KDM1A: variants seen among roughly 807,000 people sequenced by gnomAD.
The protein encoded by KDM1A is lysine demethylase 1A.
KDM1A carries 49 observed loss-of-function variants against 109.4 expected under a neutral mutation model. That is an observed-to-expected ratio of 0.45 (90% CI 0.36 to 0.57). KDM1A has a LOEUF of 0.57. Among genes scored for constraint, KDM1A ranks in the 20% least tolerant of loss-of-function variants. The pLI is 0.00. For synonymous variants in KDM1A, 380 were observed against 415.4 expected (o/e 0.91, Z 1.04); for missense variants, 668 against 1,116.6 (o/e 0.60, Z 5.73).
chr1:23,048,618 A>G (rs190195260), intron 3 of KDM1A, among the ~76,000 whole-genome samples: 12 of 152,140 alleles, frequency 7.9e-5, no homozygotes, highest in African/African-American at 1.2e-4. Flanking sequence ...TGTGTGGCCC[A>G]TGATTGGCAT....
In KDM1A at chr1:23,083,501, TTGACAAAGGAGCTTGCCTC is replaced by T; in HGVS notation, c.*138_*156del. On this transcript the variant is annotated 3_prime_UTR_variant, in exon 21 of 21. Transcript: ENST00000400181. Reference sequence around the variant, plus strand: ...CTGATCAGCTGATGGAGCTCCTGATTTGACAAAGGAGCTTGCCTCCTTTGAATGACCTAGAGCACAGGGA... The same window carrying T: ...CTGATCAGCTGATGGAGCTCCTGATTCTTTGAATGACCTAGAGCACAGGGA... 1.2e-6 allele frequency: 1 copy of T among 800,360 alleles called. No homozygotes were observed. Among genetic ancestry groups the T allele is most frequent in the South Asian group, 2.2e-5 (1 of 45,552 alleles). 49.6% of individuals were successfully genotyped at this position (800,360 alleles called of 1,614,324 possible).
At chr1:23,064,656 G>A (rs559985704) in intron 9 of KDM1A, among the ~76,000 whole-genome samples, 2 of 152,308 alleles carry the variant, frequency 1.3e-5, no homozygotes, top group African/African-American at 4.8e-5. Flanking sequence ...GTCCTCCTTC[G>A]AGATTACTTC....
At chr1:23,066,016 T>C (rs779116991) in intron 9 of KDM1A, 44 bp from the exon 10 acceptor site, 4 of 1,603,692 alleles carry the variant, frequency 2.5e-6, no homozygotes, top group Non-Finnish European at 8.5e-7. Flanking sequence ...GCTGTTGGGC[T>C]GTTATTTACA....
intron 1 of KDM1A, among the ~76,000 whole-genome samples, chr1:23,025,223 C>G (rs1202193122): frequency 6.6e-6 from 1 of 152,024 alleles, no homozygotes; most frequent in Non-Finnish European, 1.5e-5. Flanking sequence ...ATTGGAAGCA[C>G]AGATAGAGAA....
chr1:23,034,536 C>T (rs1350265544), intron 2 of KDM1A, among the ~76,000 whole-genome samples: 2 of 152,210 alleles, frequency 1.3e-5, no homozygotes, highest in African/African-American at 2.4e-5. Context: ...GTGTACCTTA[C>T]ATTATTTTCC....
intron 2 of KDM1A, 82 bp downstream of exon 2, chr1:23,030,716 T>G: frequency 1.5e-6 from 2 of 1,368,696 alleles, no homozygotes; most frequent in East Asian, 2.3e-5. Context: ...GCAATATTAT[T>G]TATGTCTTTA....
At chr1:23,022,053 T>C (rs1421422028) in intron 1 of KDM1A, among the ~76,000 whole-genome samples, 1 of 152,230 alleles carries the variant, frequency 6.6e-6, no homozygotes, top group African/African-American at 2.4e-5. Context: ...ATACCAAATT[T>C]GGTTTACCCA....
In KDM1A at chr1:23,072,207, A is replaced by G; in HGVS notation, c.1622+10A>G. ...AAGCGAATCCCCCAAGGTAAGGAAA[A>G]CAAACACAAAAGTTCAGAGGGAGAG... On this transcript the variant is annotated intron_variant, in intron 14 of 20. Coordinates refer to ENST00000400181, the MANE Select transcript of KDM1A (RefSeq NM_001009999.3). The G allele has an allele frequency of 6.2e-7, 1 of 1,600,632 alleles. No homozygotes were observed. Among genetic ancestry groups the G allele is most frequent in the Non-Finnish European group, 8.5e-7 (1 of 1,169,964 alleles).
Position 23,055,091 on chromosome 1 carries a change from A to T in KDM1A, c.813A>T (p.Arg271=), listed in dbSNP as rs952663381. The T allele has an allele frequency of 1.9e-6, 3 of 1,611,270 alleles. No individual in the cohort carries two copies. The highest frequency in any genetic ancestry group is 2.5e-6 in the Non-Finnish European group (3 of 1,178,700). ...PYNSDTVLVH[R]VHSYLERHGL... is the part of the protein sequence containing the mutation. Reference sequence around the variant, plus strand: ...TAGGTGATACTGTGCTTGTCCACCGAGTTCACAGTTATTTAGAGCGTCATG... The same window carrying T: ...TAGGTGATACTGTGCTTGTCCACCGTGTTCACAGTTATTTAGAGCGTCATG... The change falls in exon 6 of 21, where the codon CGA becomes CGT. Residue 271 remains arginine (R), a synonymous_variant. Coordinates refer to ENST00000400181, the MANE Select transcript of KDM1A (RefSeq NM_001009999.3).
chr1:23,031,736 A>G lies in KDM1A; in HGVS notation c.517+1102A>G, dbSNP rs558312246. ...AAAAATCAAATTTATAATTTATAGG[A>G]TTGTAATAAAGTGTACTAAAGGAAT... On this transcript the variant is annotated intron_variant, in intron 2 of 20. Coordinates refer to ENST00000400181, the MANE Select transcript of KDM1A (RefSeq NM_001009999.3). Among the ~76,000 whole-genome samples the G allele has an allele frequency of 5.5e-4, 84 of 152,332 alleles. 1 individual carries two copies. The highest frequency in any genetic ancestry group is 1.9e-3 in the African/African-American group (80 of 41,568).
chr1:23,019,651 A>T lies in KDM1A; in HGVS notation c.55A>T (p.Thr19Ser). 7.1e-7 allele frequency: 1 copy of T among 1,408,982 alleles called. No homozygotes were observed. The highest frequency in any genetic ancestry group is 9.2e-7 in the Non-Finnish European group (1 of 1,088,536). 87.3% of individuals were successfully genotyped at this position (1,408,982 alleles called of 1,614,324 possible). ...AAAAAAAAAA[T>S]GTEAGPGTAG... The stretch of plus-strand genomic sequence containing the variant: ...GGCGGCGGCGGCTGCAGCGGCAGCA[A>T]CCGGGACGGAGGCTGGCCCTGGGAC... The change falls in exon 1 of 21, where the codon ACC (threonine) becomes TCC (serine). Residue 19 changes from threonine to serine, a missense_variant. Physicochemically the swap from Thr to Ser is moderately conservative, Grantham distance 58. Around this residue, in one of 8 missense-constraint regions of KDM1A, gnomAD observed 156 missense variants for 163.4 expected, o/e 0.95. Transcript: ENST00000400181.
chr1:23,076,096 G>A (rs1293594063), intron 15 of KDM1A, among the ~76,000 whole-genome samples: 2 of 152,240 alleles, frequency 1.3e-5, no homozygotes, highest in Non-Finnish European at 2.9e-5. Flanking sequence ...GGCCCTTCTA[G>A]TCATTGATTT....
intron 14 of KDM1A, among the ~76,000 whole-genome samples, chr1:23,072,497 C>G (rs961183877): frequency 6.6e-6 from 1 of 152,160 alleles, no homozygotes; most frequent in Non-Finnish European, 1.5e-5. Context: ...GTAGAAGTTG[C>G]TGTTGCTTTA....
intron 2 of KDM1A, among the ~76,000 whole-genome samples, chr1:23,041,831 C>A (rs1642344963): frequency 6.6e-6 from 1 of 151,188 alleles, no homozygotes; most frequent in Admixed American, 6.6e-5. Flanking sequence ...CATTTTCCTG[C>A]ATTTTTTTAA....
chr1:23,042,476 G>A (rs1392658486), intron 2 of KDM1A, among the ~76,000 whole-genome samples: 6 of 51,260 alleles, frequency 1.2e-4, no homozygotes, highest in South Asian at 5.5e-4. Flanking sequence ...TTTTTGAGAC[G>A]GAGTCTCGCT....
intron 1 of KDM1A, 139 bp downstream of exon 1, chr1:23,020,086 C>T (rs1033533747): frequency 3.2e-6 from 3 of 930,026 alleles, no homozygotes; most frequent in Admixed American, 8.3e-5. Flanking sequence ...CACGCCACGT[C>T]CCCTCTAGCT....
At chr1:23,054,939 T>C in intron 5 of KDM1A, 130 bp from the exon 6 acceptor site, 1 of 608,880 alleles carries the variant, frequency 1.6e-6, no homozygotes, top group South Asian at 2.4e-5. Context: ...AGAATTACTT[T>C]TTTAAAGGAG....
At chr1:23,022,959 C>G (rs569442864) in intron 1 of KDM1A, among the ~76,000 whole-genome samples, 7 of 152,232 alleles carry the variant, frequency 4.6e-5, no homozygotes, top group African/African-American at 1.7e-4. Flanking sequence ...TGTTGAGCCT[C>G]CATATCCTTC....
At chr1:23,042,462 T>TTG (rs1217840594) in intron 2 of KDM1A, among the ~76,000 whole-genome samples, 2 of 116,452 alleles carry the variant, frequency 1.7e-5, no homozygotes, top group African/African-American at 6.3e-5. Context: ...TTTTTTTTTT[T>TTG]TTTTTTTTGA....
Sources: allele counts gnomAD v4.1 joint callset (sites outside exome capture counted in the v4.1 genomes callset), GRCh38; gene constraint gnomAD v4.1.1; regional missense constraint gnomAD v4.1.1; transcripts MANE v1.5; gene names NCBI Gene and HGNC (gene_info 2026-07-23, HGNC 2026-07-21).